The following LDB2 variants were observed in gnomAD, a reference collection of about 807,000 sequenced individuals.
The protein encoded by LDB2 is LIM domain-binding protein 2.
LDB2 carries 12 observed loss-of-function variants against 44.3 expected under a neutral mutation model. That is an observed-to-expected ratio of 0.27 (90% CI 0.17 to 0.44). The LOEUF is 0.44. LDB2 is among the 20% of genes least tolerant of loss of function. LDB2 has a pLI of 1.00. For synonymous variants in LDB2, 164 were observed against 174.8 expected (o/e 0.94, Z 0.49); for missense variants, 344 against 473.5 (o/e 0.73, Z 2.54).
chr4:16,736,477 G>T (rs930907583), intron 2 of LDB2, among the ~76,000 whole-genome samples: 12 of 152,188 alleles, frequency 7.9e-5, no homozygotes, highest in Admixed American at 2.0e-4. Flanking sequence ...CATTTCGGGA[G>T]CACTTTGAAT....
intron 1 of LDB2, among the ~76,000 whole-genome samples, chr4:16,780,946 T>C (rs1211272201): frequency 1.3e-5 from 2 of 152,210 alleles, no homozygotes; most frequent in Non-Finnish European, 2.9e-5. Context: ...TGTTGGATTC[T>C]CATGTTTGTC....
intron 5 of LDB2, among the ~76,000 whole-genome samples, chr4:16,541,084 G>T (rs1414578540): frequency 6.6e-6 from 1 of 152,118 alleles, no homozygotes; most frequent in Non-Finnish European, 1.5e-5. Context: ...TTATGTGGGG[G>T]CATGGAGCAG....
chr4:16,786,956 C>T (rs1385306904), intron 1 of LDB2, among the ~76,000 whole-genome samples: 2 of 152,122 alleles, frequency 1.3e-5, no homozygotes, highest in Non-Finnish European at 2.9e-5. Flanking sequence ...GTCCCTATCC[C>T]ATCTGTGAGA....
At chr4:16,605,374 C>T (rs1432221640) in intron 2 of LDB2, among the ~76,000 whole-genome samples, 1 of 152,102 alleles carries the variant, frequency 6.6e-6, no homozygotes, top group Non-Finnish European at 1.5e-5. Flanking sequence ...TAAAATGGAA[C>T]ACTTTTTGTT....
intron 1 of LDB2, among the ~76,000 whole-genome samples, chr4:16,896,050 T>C (rs1405203671): frequency 6.6e-6 from 1 of 152,174 alleles, no homozygotes; most frequent in African/African-American, 2.4e-5. Flanking sequence ...AGGCAATTAT[T>C]TGAATAATTA....
At chr4:16,843,372 C>T (rs1263616663) in intron 1 of LDB2, among the ~76,000 whole-genome samples, 1 of 152,144 alleles carries the variant, frequency 6.6e-6, no homozygotes, top group Non-Finnish European at 1.5e-5. Flanking sequence ...CTTCACTGTT[C>T]AGTCTCCAAA....
intron 2 of LDB2, among the ~76,000 whole-genome samples, chr4:16,714,466 G>A (rs1199401547): frequency 1.3e-5 from 2 of 152,076 alleles, no homozygotes; most frequent in Admixed American, 6.5e-5. Context: ...ACTACTCTCT[G>A]TGTAGCTTTG....
At chr4:16,824,709 G>A (rs542772011) in intron 1 of LDB2, among the ~76,000 whole-genome samples, 9 of 152,318 alleles carry the variant, frequency 5.9e-5, no homozygotes, top group African/African-American at 2.2e-4. Context: ...CAAAGTTTAG[G>A]CATCTTTAAT....
At chr4:16,641,087 A>G (rs1253790419) in intron 2 of LDB2, among the ~76,000 whole-genome samples, 1 of 152,190 alleles carries the variant, frequency 6.6e-6, no homozygotes, top group Non-Finnish European at 1.5e-5. Flanking sequence ...ATAGATGGAA[A>G]CTGGAAGCAT....
At chr4:16,570,513 C>T (rs1746129585) in intron 5 of LDB2, among the ~76,000 whole-genome samples, 2 of 107,968 alleles carry the variant, frequency 1.9e-5, no homozygotes, top group Admixed American at 2.3e-4. Flanking sequence ...AAGTTTACAT[C>T]TCAGTGATAG....
rs1560983382 is a variant in LDB2, at chr4:16,718,044, C to CAGGGTG, written c.235+41108_235+41113dup. Among the ~76,000 whole-genome samples the CAGGGTG allele has an allele frequency of 2.0e-5, 3 of 151,930 alleles. No homozygotes were observed. The East Asian group carries it at 5.8e-4, about 29-fold the overall frequency. ...CAAAAATCTTTCAAAATGCGGATCC[C>CAGGGTG]AGGGTGAAATTAATAAAAGATATCC... is the stretch of plus-strand genomic sequence containing the variant. On this transcript the variant is annotated intron_variant, in intron 2 of 7. Transcript: ENST00000304523.
chr4:16,534,879 C>G (rs1363245222), intron 5 of LDB2, among the ~76,000 whole-genome samples: 1 of 152,160 alleles, frequency 6.6e-6, no homozygotes, highest in Non-Finnish European at 1.5e-5. Flanking sequence ...TCTCTCAGCT[C>G]AGGACATCAC....
At chr4:16,693,347 CTTTTT>C (rs71181181) in intron 2 of LDB2, among the ~76,000 whole-genome samples, 45 of 112,108 alleles carry the variant, frequency 4.0e-4, no homozygotes, top group Admixed American at 6.8e-4. Flanking sequence ...AGCAATAGTT[CTTTTT>C]TTTTTTTTTT....
At chr4:16,586,967 T>C (rs887909270) in intron 4 of LDB2, among the ~76,000 whole-genome samples, 11 of 152,180 alleles carry the variant, frequency 7.2e-5, no homozygotes, top group African/African-American at 1.4e-4. Flanking sequence ...ATACTACCAA[T>C]TGGATTTGTA....
chr4:16,537,594 TG>T (rs2152316436), intron 5 of LDB2, among the ~76,000 whole-genome samples: 1 of 152,330 alleles, frequency 6.6e-6, no homozygotes, highest in South Asian at 2.1e-4. Flanking sequence ...TACAGTTATC[TG>T]TGGGCACAAA....
At chr4:16,811,385 A>C (rs1426914644) in intron 1 of LDB2, among the ~76,000 whole-genome samples, 2 of 152,218 alleles carry the variant, frequency 1.3e-5, no homozygotes, top group African/African-American at 4.8e-5. Context: ...GGATTCTTAC[A>C]CTGGATAGAA....
intron 5 of LDB2, among the ~76,000 whole-genome samples, chr4:16,522,276 T>TTGTGTGTGCGTGTGCG (rs61400788): frequency 2.7e-5 from 4 of 150,234 alleles, no homozygotes; most frequent in Non-Finnish European, 4.4e-5. Context: ...GTGTGTGTGT[T>TTGTGTGTGCGTGTGCG]TGTGTGTGTG....
intron 6 of LDB2, among the ~76,000 whole-genome samples, chr4:16,511,656 G>C (rs1339031969): frequency 1.3e-5 from 2 of 152,030 alleles, no homozygotes; most frequent in Non-Finnish European, 2.9e-5. Flanking sequence ...CTGGCTCAGT[G>C]GAAGAACCAC....
chr4:16,840,468 TCA>T (rs1185977178), intron 1 of LDB2, among the ~76,000 whole-genome samples: 1 of 152,102 alleles, frequency 6.6e-6, no homozygotes, highest in Non-Finnish European at 1.5e-5. Flanking sequence ...AGAGGAAAAC[TCA>T]CAGAAAGTCA....
Sources: gnomAD v4.1 joint callset for allele counts (sites outside exome capture counted in the v4.1 genomes callset) on GRCh38, gnomAD v4.1.1 for gene constraint, MANE v1.5 for transcripts, NCBI Gene and HGNC (gene_info 2026-07-23, HGNC 2026-07-21) for gene names.